STARD13: variants seen among roughly 807,000 people sequenced by gnomAD.
The protein encoded by STARD13 is StAR related lipid transfer domain containing 13, also known as stAR-related lipid transfer protein 13.
In STARD13, 62 loss-of-function variants were observed where a neutral mutation model predicts 106.4. The ratio of observed to expected loss-of-function variants is 0.58; its 90% confidence interval spans 0.48 to 0.72. The LOEUF is 0.72. STARD13 is among the 30% of genes least tolerant of loss of function. The probability of loss-of-function intolerance (pLI) is 0.00; values close to 1 mark genes in which losing one functional copy is unlikely to be tolerated. For synonymous variants in STARD13, 565 were observed against 553.0 expected, an observed-to-expected ratio of 1.02 and a Z score of -0.31; for missense variants, 1,387 against 1,424.0, an observed-to-expected ratio of 0.97 and a Z score of 0.42.
At chr13:33,127,056 C>G (rs112666015) in intron 6 of STARD13, among the ~76,000 whole-genome samples, 2,041 of 152,360 alleles carry the variant, frequency 0.013, 20 homozygotes, top group South Asian at 0.022. Context: ...TCTGTGCAAA[C>G]TGCCAGGATT....
At chr13:33,306,087 C>T (rs1272869118) in intron 1 of STARD13, among the ~76,000 whole-genome samples, 1 of 152,142 alleles carries the variant, frequency 6.6e-6, no homozygotes, top group Non-Finnish European at 1.5e-5. Flanking sequence ...TACTACAAGG[C>T]TACAGTAACC....
In STARD13 at chr13:33,109,982, C is replaced by G; in HGVS notation, c.2938G>C (p.Asp980His). ...TCCACAACCTTCCACTGCACAAAGT[C>G]CTCGTCCCACAGGTGGCGCTCTCTC... ...VLRERHLWDE[D>H]FVQWKVVETL... Residue 980 changes from aspartate (D) to histidine (H), a missense_variant, in exon 12 of 14, where the codon GAC (aspartate) becomes CAC (histidine). Asp to His is a moderately conservative substitution (Grantham distance 81, BLOSUM62 -1). Transcript: ENST00000336934. The G allele has an allele frequency of 6.2e-7, 1 of 1,614,222 alleles. No individual in the cohort carries two copies. The highest frequency in any genetic ancestry group is 8.5e-7 in the Non-Finnish European group (1 of 1,180,044).
At chr13:33,254,131 G>C (rs888552496) in intron 1 of STARD13, among the ~76,000 whole-genome samples, 51 of 152,314 alleles carry the variant, frequency 3.3e-4, no homozygotes, top group African/African-American at 1.2e-3. Context: ...GACAAAGTGG[G>C]CTGGTTGGTC....
the STARD13 span, among the ~76,000 whole-genome samples, chr13:33,443,888 CAAAAAAA>C: frequency 2.0e-5 from 1 of 50,188 alleles, no homozygotes; most frequent in African/African-American, 6.2e-5. Flanking sequence ...GACTCAGTCT[CAAAAAAA>C]AAAAAAAAAA....
chr13:33,170,414 C>T (rs890208154), intron 1 of STARD13, among the ~76,000 whole-genome samples: 3 of 152,148 alleles, frequency 2.0e-5, no homozygotes, highest in Admixed American at 6.5e-5. Flanking sequence ...TTAAAAGGCT[C>T]CTCAGATAAT....
chr13:33,290,584 G>A (rs529941001), upstream of STARD13, among the ~76,000 whole-genome samples: 22 of 152,362 alleles, frequency 1.4e-4, no homozygotes, highest in South Asian at 3.7e-3. Flanking sequence ...CTCATCTGGA[G>A]TCCAGATCCT....
chr13:33,397,122 A>C, the STARD13 span, among the ~76,000 whole-genome samples: 473 of 152,348 alleles, frequency 3.1e-3, 1 homozygote, highest in Non-Finnish European at 5.5e-3. Context: ...CCATGAGGCC[A>C]GGAAAGAACA....
chr13:33,461,983 A>G, the STARD13 span, among the ~76,000 whole-genome samples: 3 of 152,224 alleles, frequency 2.0e-5, no homozygotes, highest in African/African-American at 7.2e-5. Flanking sequence ...AATTATAAAC[A>G]TGCAACCACA....
At chr13:33,571,155 A>G in the STARD13 span, among the ~76,000 whole-genome samples, 3 of 152,134 alleles carry the variant, frequency 2.0e-5, no homozygotes, top group East Asian at 1.9e-4. Context: ...CCTGAGGGGA[A>G]GACATCTCCT....
intron 1 of STARD13, among the ~76,000 whole-genome samples, chr13:33,264,156 T>A (rs1459569871): frequency 6.6e-6 from 1 of 152,184 alleles, no homozygotes; most frequent in East Asian, 1.9e-4. Flanking sequence ...GCTTCGGATG[T>A]TCCTGGAGCC....
chr13:33,235,584 A>C (rs575623371), intron 1 of STARD13, among the ~76,000 whole-genome samples: 3 of 152,368 alleles, frequency 2.0e-5, no homozygotes, highest in African/African-American at 7.2e-5. Flanking sequence ...AATAAATGCA[A>C]CTGTTAGGTA....
chr13:33,655,049 C>T, the STARD13 span, among the ~76,000 whole-genome samples: 1,379 of 152,352 alleles, frequency 9.1e-3, 23 homozygotes, highest in African/African-American at 0.032. Context: ...AACTGCATGG[C>T]ATTTTACAAA....
the STARD13 span, among the ~76,000 whole-genome samples, chr13:33,605,650 C>T: frequency 6.6e-6 from 1 of 152,038 alleles, no homozygotes; most frequent in African/African-American, 2.4e-5. Context: ...TAGCGCTGTT[C>T]TAGGAAAACA....
At position 33,292,784 on chromosome 13, in the gene STARD13, C is replaced by T. The variant is rs191875387; in HGVS notation, c.124+57506G>A. Among the ~76,000 whole-genome samples, 13 of 152,128 alleles carry T rather than the reference C, an allele frequency of 8.5e-5. No homozygotes were observed. In the East Asian group the frequency reaches 1.3e-3, roughly 16 times the overall value. On this transcript the variant is annotated intron_variant, in intron 1 of 5. Transcript: ENST00000567873. ...AATTTCTGTGAGGGTCTTCGAAAAC[C>T]GTGGTTCAAGTACACTATTGTCTGT...
intron 3 of STARD13, among the ~76,000 whole-genome samples, chr13:33,151,300 G>A (rs1881247619): frequency 6.6e-6 from 1 of 152,182 alleles, no homozygotes; most frequent in African/African-American, 2.4e-5. Flanking sequence ...TGTACAAGGA[G>A]CATGGTGTTG....
chr13:33,256,113 T>G (rs1890351317), intron 1 of STARD13, among the ~76,000 whole-genome samples: 1 of 152,232 alleles, frequency 6.6e-6, no homozygotes, highest in African/African-American at 2.4e-5. Flanking sequence ...AGGATTCATC[T>G]TCAAAATGAA....
In STARD13 at chr13:33,130,047, G is replaced by A; in HGVS notation, c.630C>T (p.Ser210=). 6.2e-7 allele frequency: 1 copy of A among 1,613,688 alleles called. No homozygotes were observed. Among genetic ancestry groups the A allele is most frequent in the Non-Finnish European group, 8.5e-7 (1 of 1,179,940 alleles). Residue 210 remains serine, a synonymous_variant, in exon 5 of 14, where the codon AGC becomes AGT. Transcript: ENST00000336934. The surrounding 1 kb of genome is among the most constrained non-coding windows in gnomAD (Gnocchi z 4.1). ...SESSGGSDSR[S]QPGQCCTDNP... ...TGTCTGTACAGCACTGGCCCGGCTG[G>A]CTGCGACTGTCGCTGCCTCCACTGC...
chr13:33,457,054 G>A, the STARD13 span, among the ~76,000 whole-genome samples: 1 of 152,240 alleles, frequency 6.6e-6, no homozygotes, highest in Non-Finnish European at 1.5e-5. Flanking sequence ...CAGAGTGTTT[G>A]TGACAAGAAA....
the STARD13 span, among the ~76,000 whole-genome samples, chr13:33,382,276 G>C: frequency 6.6e-6 from 1 of 152,208 alleles, no homozygotes; most frequent in Non-Finnish European, 1.5e-5. Context: ...AAGTTGTGCC[G>C]AATCTCCCTG....
Sources: allele counts gnomAD v4.1 joint callset (sites outside exome capture counted in the v4.1 genomes callset), GRCh38; gene constraint gnomAD v4.1.1; non-coding constraint Gnocchi (gnomAD v3.1); transcripts MANE v1.5; gene names NCBI Gene and HGNC (gene_info 2026-07-23, HGNC 2026-07-21).